The following GULP1 variants were observed in gnomAD, a reference collection of about 807,000 sequenced individuals.
GULP1 encodes GULP PTB domain containing engulfment adaptor 1.
A neutral mutation model predicts 40.9 loss-of-function variants in GULP1; 19 were observed. That is an observed-to-expected ratio of 0.46 (90% CI 0.32 to 0.68). GULP1 has a LOEUF of 0.68. GULP1 is among the 30% of genes least tolerant of loss of function. GULP1 has a pLI of 0.03. For synonymous variants in GULP1, 119 were observed against 117.6 expected, an observed-to-expected ratio of 1.01 and a Z score of -0.08; for missense variants, 312 against 362.2, an observed-to-expected ratio of 0.86 and a Z score of 1.12.
intron 4 of GULP1, among the ~76,000 whole-genome samples, chr2:188,498,394 A>C (rs1033282070): frequency 1.2e-4 from 19 of 152,030 alleles, no homozygotes; most frequent in African/African-American, 4.3e-4. Context: ...CATCTGGGTT[A>C]GAAATATCCA....
At chr2:188,305,985 C>T (rs1206520157) in intron 1 of GULP1, among the ~76,000 whole-genome samples, 1 of 152,056 alleles carries the variant, frequency 6.6e-6, no homozygotes, top group Admixed American at 6.5e-5. Context: ...ACCATGTTGG[C>T]CAGGCTGGTC....
chr2:188,335,286 TTCTC>T (rs781241388), intron 1 of GULP1, among the ~76,000 whole-genome samples: 2 of 152,310 alleles, frequency 1.3e-5, no homozygotes, highest in South Asian at 4.1e-4. Context: ...TTTTGATTAA[TTCTC>T]TCTTCTTGTG....
chr2:188,384,634 C>T (rs944119682), intron 2 of GULP1, among the ~76,000 whole-genome samples: 6 of 152,178 alleles, frequency 3.9e-5, no homozygotes, highest in Non-Finnish European at 7.3e-5. Context: ...TCCAGAGTCT[C>T]ATTAGAGACA....
Position 188,530,959 on chromosome 2 carries a change from C to T in GULP1, c.261+1764C>T, listed in dbSNP as rs544096405. Among the ~76,000 whole-genome samples the T allele has an allele frequency of 1.3e-3, 191 of 152,228 alleles. 1 individual carries two copies. The highest frequency in any genetic ancestry group is 6.8e-3 in the Middle Eastern group (2 of 292). Reference sequence around the variant, plus strand: ...TGACAAATTAATTCAGTATAAAAGCCAAAAGAGGAACTTCTGGCCTGTTAA... The same window carrying T: ...TGACAAATTAATTCAGTATAAAAGCTAAAAGAGGAACTTCTGGCCTGTTAA... On this transcript the variant is annotated intron_variant, in intron 6 of 11. Coordinates refer to ENST00000409830, the MANE Select transcript of GULP1 (RefSeq NM_016315.4).
intron 10 of GULP1, among the ~76,000 whole-genome samples, 163 bp downstream of exon 10, chr2:188,584,566 T>C (rs1375775936): frequency 6.6e-6 from 1 of 152,084 alleles, no homozygotes; most frequent in Non-Finnish European, 1.5e-5. Flanking sequence ...AATTCTATTT[T>C]ACTTTATAAT....
At chr2:188,517,700 A>T (rs147583127) in intron 4 of GULP1, among the ~76,000 whole-genome samples, 2 of 152,168 alleles carry the variant, frequency 1.3e-5, no homozygotes, top group Admixed American at 1.3e-4. Context: ...CTGTCAGCAT[A>T]GGTTGTCTTG....
At chr2:188,558,596 C>T (rs958796914) in intron 7 of GULP1, among the ~76,000 whole-genome samples, 2 of 152,094 alleles carry the variant, frequency 1.3e-5, no homozygotes, top group Non-Finnish European at 2.9e-5. Flanking sequence ...GGGTAACAGG[C>T]AGAGGGTGGA....
At chr2:188,457,002 T>C (rs2059323359) in intron 2 of GULP1, among the ~76,000 whole-genome samples, 1 of 152,148 alleles carries the variant, frequency 6.6e-6, no homozygotes, top group Non-Finnish European at 1.5e-5. Context: ...CTGTAGTCCC[T>C]TGGTTTTGGT....
chr2:188,297,655 T>C (rs974722506), intron 1 of GULP1: 25 of 351,552 alleles, frequency 7.1e-5, no homozygotes, highest in South Asian at 5.3e-4. Context: ...CAGTCTACCC[T>C]CTTATAGAAA....
intron 6 of GULP1, among the ~76,000 whole-genome samples, chr2:188,532,753 TAA>T (rs5837093): frequency 4.0e-5 from 5 of 125,786 alleles, no homozygotes; most frequent in Non-Finnish European, 3.3e-5. Flanking sequence ...CTGTCTCTAC[TAA>T]AAAAAAAAAA....
chr2:188,474,186 C>T (rs1438044428), intron 2 of GULP1, among the ~76,000 whole-genome samples: 1 of 152,194 alleles, frequency 6.6e-6, no homozygotes, highest in Non-Finnish European at 1.5e-5. Flanking sequence ...ACTCTTCCCT[C>T]TTCTCTCCTT....
At chr2:188,357,888 A>T (rs747303913) in intron 1 of GULP1, among the ~76,000 whole-genome samples, 1 of 152,222 alleles carries the variant, frequency 6.6e-6, no homozygotes. Context: ...TTAAAAAATA[A>T]TGAAATCCTG....
intron 1 of GULP1, among the ~76,000 whole-genome samples, chr2:188,354,713 T>C (rs967003393): frequency 1.3e-5 from 2 of 152,206 alleles, no homozygotes; most frequent in African/African-American, 2.4e-5. Flanking sequence ...ATACACATTT[T>C]CCGACCATTT....
chr2:188,352,942 A>G (rs2044710061), intron 1 of GULP1, among the ~76,000 whole-genome samples: 1 of 152,094 alleles, frequency 6.6e-6, no homozygotes, highest in Non-Finnish European at 1.5e-5. Flanking sequence ...TATTTATAAT[A>G]TATTTCTACT....
chr2:188,427,383 C>T (rs2056337557), intron 2 of GULP1, among the ~76,000 whole-genome samples: 1 of 152,200 alleles, frequency 6.6e-6, no homozygotes, highest in African/African-American at 2.4e-5. Flanking sequence ...TTAGCCAAGA[C>T]AATGGGAAAA....
chr2:188,394,199 CT>C (rs1476538778), intron 2 of GULP1, among the ~76,000 whole-genome samples: 3 of 152,074 alleles, frequency 2.0e-5, no homozygotes, highest in African/African-American at 7.2e-5. Flanking sequence ...TCCCATATTT[CT>C]TACAGACATT....
intron 1 of GULP1, among the ~76,000 whole-genome samples, chr2:188,328,846 C>T (rs1214770189): frequency 6.6e-6 from 1 of 152,108 alleles, no homozygotes; most frequent in Admixed American, 6.6e-5. Flanking sequence ...TATGAGTATA[C>T]ACGATGAATA....
At chr2:188,324,110 G>T (rs939151350) in intron 1 of GULP1, among the ~76,000 whole-genome samples, 1 of 151,936 alleles carries the variant, frequency 6.6e-6, no homozygotes, top group African/African-American at 2.4e-5. Flanking sequence ...TAGTCCAAGG[G>T]CCTAATGAGA....
intron 4 of GULP1, among the ~76,000 whole-genome samples, chr2:188,497,078 C>T (rs1023710352): frequency 2.6e-5 from 4 of 151,800 alleles, no homozygotes; most frequent in Non-Finnish European, 5.9e-5. Flanking sequence ...TATAGCAGTG[C>T]GAGAACAGAC....
Sources: allele counts gnomAD v4.1 joint callset (sites outside exome capture counted in the v4.1 genomes callset), GRCh38; gene constraint gnomAD v4.1.1; transcripts MANE v1.5; gene names NCBI Gene and HGNC (gene_info 2026-07-23, HGNC 2026-07-21).